The following DENND5B variants were observed in gnomAD, a reference collection of about 807,000 sequenced individuals.
The protein encoded by DENND5B is DENN domain containing 5B.
Under a neutral mutation model 140.6 loss-of-function variants are expected in DENND5B, and 34 were observed. The ratio of observed to expected loss-of-function variants is 0.24; its 90% CI spans 0.18 to 0.32. DENND5B has a LOEUF of 0.32. Among genes scored for constraint, DENND5B ranks in the 10% least tolerant of loss-of-function variants. The pLI is 1.00. For missense variants in DENND5B, 1,142 were observed against 1,560.2 expected (o/e 0.73, Z 4.52); for synonymous variants, 551 against 562.1 (o/e 0.98, Z 0.28).
intron 2 of DENND5B, among the ~76,000 whole-genome samples, chr12:31,491,651 T>G (rs1325765798): frequency 1.3e-5 from 2 of 152,208 alleles, no homozygotes; most frequent in Non-Finnish European, 2.9e-5. Context: ...CATTGACTGT[T>G]TATTGTATTG....
intron 1 of DENND5B, among the ~76,000 whole-genome samples, chr12:31,579,603 A>G (rs1328637088): frequency 6.6e-6 from 1 of 152,016 alleles, no homozygotes; most frequent in African/African-American, 2.4e-5. Context: ...AGATACTGCA[A>G]TGAGGCGAGA....
intron 3 of DENND5B, among the ~76,000 whole-genome samples, chr12:31,478,369 G>A (rs1945918408): frequency 6.6e-6 from 1 of 152,100 alleles, no homozygotes; most frequent in Admixed American, 6.5e-5. Context: ...GCACCAGTCG[G>A]GATTGCACTA....
At chr12:31,562,062 C>G (rs1949493824) in intron 1 of DENND5B, among the ~76,000 whole-genome samples, 1 of 152,238 alleles carries the variant, frequency 6.6e-6, no homozygotes, top group Non-Finnish European at 1.5e-5. Context: ...CATTCATCAA[C>G]TTAGCCACCA....
At chr12:31,410,148 A>G (rs1942375356) in intron 13 of DENND5B, among the ~76,000 whole-genome samples, 1 of 152,190 alleles carries the variant, frequency 6.6e-6, no homozygotes, top group Admixed American at 6.6e-5. Flanking sequence ...CAAGGAAGAA[A>G]TGAATGCCAT....
chr12:31,412,823 T>C (rs988219171), intron 13 of DENND5B, among the ~76,000 whole-genome samples: 2 of 152,238 alleles, frequency 1.3e-5, no homozygotes, highest in Non-Finnish European at 2.9e-5. Context: ...ATAAGGTTTA[T>C]ACAAAATAAT....
intron 1 of DENND5B, among the ~76,000 whole-genome samples, chr12:31,534,392 C>T (rs1415707229): frequency 6.6e-6 from 1 of 152,048 alleles, no homozygotes; most frequent in Non-Finnish European, 1.5e-5. Flanking sequence ...GTTGGCCAGG[C>T]TGGTCTCGAA....
At chr12:31,457,713 CTT>C (rs1944835771) in intron 4 of DENND5B, among the ~76,000 whole-genome samples, 2 of 151,058 alleles carry the variant, frequency 1.3e-5, no homozygotes, top group African/African-American at 4.9e-5. Flanking sequence ...CTGCTATTTT[CTT>C]TTCTTTTTTT....
intron 2 of DENND5B, among the ~76,000 whole-genome samples, chr12:31,488,658 C>T (rs793176): frequency 0.78 from 119,324 of 152,154 alleles, 47,286 homozygotes; most frequent in African/African-American, 0.89. Flanking sequence ...ATATACAGTA[C>T]TGTTTTATAT....
Position 31,460,258 on chromosome 12 carries a change from G to C in DENND5B, c.1028C>G (p.Pro343Arg). Reference protein sequence around the residue: ...SLLHFLDAPVPYLMGLQSKEG... With the variant: ...SLLHFLDAPVRYLMGLQSKEG... Reference sequence around the variant, plus strand: ...TTTTGACTGAAGGCCCATCAGATAAGGGACAGGAGCATCAAGAAAATGTAG... The same window carrying C: ...TTTTGACTGAAGGCCCATCAGATAACGGACAGGAGCATCAAGAAAATGTAG... Residue 343 changes from proline (P) to arginine (R), a missense_variant, in exon 4 of 21, where the codon CCT becomes CGT. By Grantham distance (103) the Pro-to-Arg change is moderately radical. Around this residue, in one of 5 missense-constraint regions of DENND5B, gnomAD observed 708 missense variants for 905.5 expected, o/e 0.78. Coordinates refer to ENST00000389082, the MANE Select transcript of DENND5B (RefSeq NM_144973.4). 6.2e-7 allele frequency: 1 copy of C among 1,613,894 alleles called. No individual in the cohort carries two copies. The highest frequency in any genetic ancestry group is 8.5e-7 in the Non-Finnish European group (1 of 1,179,860).
At chr12:31,425,776 A>G (rs1196026829) in intron 9 of DENND5B, among the ~76,000 whole-genome samples, 1 of 152,216 alleles carries the variant, frequency 6.6e-6, no homozygotes, top group Non-Finnish European at 1.5e-5. Flanking sequence ...AAATAAATAA[A>G]ATCATTAGCT....
chr12:31,535,784 C>T (rs1387698491), intron 1 of DENND5B, among the ~76,000 whole-genome samples: 6 of 152,200 alleles, frequency 3.9e-5, no homozygotes, highest in Non-Finnish European at 1.5e-5. Context: ...GAAAACATGA[C>T]CTCACCAAAT....
chr12:31,583,739 C>T (rs1950293720), intron 1 of DENND5B, among the ~76,000 whole-genome samples: 1 of 152,118 alleles, frequency 6.6e-6, no homozygotes, highest in African/African-American at 2.4e-5. Flanking sequence ...AGCACAGTGT[C>T]TGGCATGTGG....
intron 4 of DENND5B, among the ~76,000 whole-genome samples, chr12:31,457,444 G>C (rs575564595): frequency 1.3e-5 from 2 of 152,204 alleles, no homozygotes; most frequent in African/African-American, 2.4e-5. Flanking sequence ...TGTTATTTTT[G>C]TAACTATGTT....
rs1356740105 is a variant in DENND5B at position 31,387,723 on chromosome 12, A to G, written c.3705T>C (p.Tyr1235=). The change falls in exon 21 of 21, where the codon TAT becomes TAC. Residue 1235 remains tyrosine, a synonymous_variant. Transcript: ENST00000389082. ...LAECPAITRM[Y]EESALLRDRM... is the part of the protein sequence containing the mutation. ...GGTCTCGCAGGAGAGCGCTCTCTTC[A>G]TACATTCGAGTGATGGCAGGACACT... 6.2e-7 allele frequency: 1 copy of G among 1,613,898 alleles called. No individual in the cohort carries two copies. Among genetic ancestry groups the G allele is most frequent in the Non-Finnish European group, 8.5e-7 (1 of 1,179,900 alleles).
intron 1 of DENND5B, chr12:31,499,570 A>C (rs1289248228): frequency 7.0e-7 from 1 of 1,438,184 alleles, no homozygotes; most frequent in East Asian, 2.6e-5. Context: ...ATAATGATTT[A>C]TAATAGCCCA....
At chr12:31,577,773 T>C (rs1186300217) in intron 1 of DENND5B, among the ~76,000 whole-genome samples, 1 of 141,512 alleles carries the variant, frequency 7.1e-6, no homozygotes, top group Non-Finnish European at 1.5e-5. Flanking sequence ...AATCTAGAGG[T>C]CCACAAACTA....
chr12:31,484,291 T>G (rs967368041), intron 2 of DENND5B, among the ~76,000 whole-genome samples: 1 of 152,144 alleles, frequency 6.6e-6, no homozygotes, highest in Non-Finnish European at 1.5e-5. Context: ...GAAAAGGAGA[T>G]GGCAGCCTTG....
intron 13 of DENND5B, among the ~76,000 whole-genome samples, chr12:31,413,164 A>C (rs1160685127): frequency 6.6e-6 from 1 of 152,058 alleles, no homozygotes; most frequent in Non-Finnish European, 1.5e-5. Flanking sequence ...TGATCCTCCC[A>C]CCTTGGCCTC....
intron 14 of DENND5B, among the ~76,000 whole-genome samples, chr12:31,407,519 C>T (rs1942194994): frequency 6.6e-6 from 1 of 152,210 alleles, no homozygotes; most frequent in African/African-American, 2.4e-5. Context: ...ACAGGATGGC[C>T]TAATCCCCAT....
Sources: gnomAD v4.1 joint callset for allele counts (sites outside exome capture counted in the v4.1 genomes callset) on GRCh38, gnomAD v4.1.1 for gene constraint, gnomAD v4.1.1 regional missense constraint, MANE v1.5 for transcripts, NCBI Gene and HGNC (gene_info 2026-07-23, HGNC 2026-07-21) for gene names.